VPS13D: variants seen among roughly 807,000 people sequenced by gnomAD.
VPS13D encodes intermembrane lipid transfer protein VPS13D.
Under a neutral mutation model 461.9 loss-of-function variants are expected in VPS13D, and 187 were observed. The ratio of observed to expected loss-of-function variants is 0.40; its 90% CI spans 0.36 to 0.46. VPS13D has a LOEUF of 0.46. VPS13D is among the 20% of genes least tolerant of loss of function. The probability of loss-of-function intolerance (pLI) is 0.60; values close to 1 mark genes in which losing one functional copy is unlikely to be tolerated. For synonymous variants in VPS13D, 1,951 were observed against 1,986.3 expected (o/e 0.98, Z 0.47); for missense variants, 4,711 against 5,364.9 (o/e 0.88, Z 3.81).
chr1:12,335,498 G>C (rs533210776), intron 38 of VPS13D, among the ~76,000 whole-genome samples: 54 of 152,276 alleles, frequency 3.5e-4, no homozygotes, highest in Non-Finnish European at 5.7e-4. Context: ...CATTATGATA[G>C]AGTTTTGTGG....
chr1:12,256,441 C>T lies in VPS13D; in HGVS notation c.778C>T (p.Arg260Trp), dbSNP rs59274673. 5.0e-6 allele frequency: 8 copies of T among 1,614,128 alleles called. No homozygotes were observed. The highest frequency in any genetic ancestry group is 3.3e-5 in the Admixed American group (2 of 60,008). Residue 260 changes from arginine (R) to tryptophan (W), a missense_variant, in exon 8 of 70, where the codon CGG (arginine) becomes TGG (tryptophan). Physicochemically the swap from Arg to Trp is moderately radical, Grantham distance 101. Around this residue, in one of 3 missense-constraint regions of VPS13D, gnomAD observed 4,411 missense variants for 4,937.8 expected, o/e 0.89. Transcript: ENST00000620676. ...RNCSKKPLRS[R>W]HSPRIDCDIQ... ...CTGCTCCAAGAAGCCCCTGCGGTCT[C>T]GGCACAGTCCCCGTATTGATTGTGA... is the stretch of plus-strand genomic sequence containing the variant.
At chr1:12,416,249 C>T (rs1478658203) in intron 64 of VPS13D, among the ~76,000 whole-genome samples, 1 of 152,202 alleles carries the variant, frequency 6.6e-6, no homozygotes, top group Non-Finnish European at 1.5e-5. Context: ...ACCCACACCA[C>T]AGCTTATGAG....
At chr1:12,340,353 A>G (rs1401874687) in intron 40 of VPS13D, among the ~76,000 whole-genome samples, 4 of 152,286 alleles carry the variant, frequency 2.6e-5, no homozygotes, top group African/African-American at 9.6e-5. Flanking sequence ...GCAGATTACT[A>G]TATCTTAGAC....
rs140805377 is a variant in VPS13D at position 12,304,695 on chromosome 1, A to G, written c.6406A>G (p.Thr2136Ala). 293 of 1,613,880 alleles carry G rather than the reference A, an allele frequency of 1.8e-4. No individual in the cohort carries two copies. The highest frequency in any genetic ancestry group is 2.3e-4 in the Non-Finnish European group (277 of 1,180,040). The change falls in exon 26 of 70, where the codon ACA (threonine) becomes GCA (alanine). Residue 2136 changes from threonine to alanine, a missense_variant. Thr to Ala is a moderately conservative substitution (Grantham distance 58). Coordinates refer to ENST00000620676, the MANE Select transcript of VPS13D (RefSeq NM_015378.4). The stretch of plus-strand genomic sequence containing the variant: ...CACCAAGCAGCAAGGGCCGCAACCC[A>G]CACTGTCTGTTGGCCAAGAGTCCAG... ...TSTKQQGPQPTLSVGQESSSP... is the reference protein window; with the variant it reads ...TSTKQQGPQPALSVGQESSSP...
intron 65 of VPS13D, among the ~76,000 whole-genome samples, chr1:12,454,631 T>A (rs562691355): frequency 6.6e-6 from 1 of 152,336 alleles, no homozygotes; most frequent in East Asian, 1.9e-4. Context: ...GAACTCACTG[T>A]CACATGTGTC....
At chr1:12,273,557 A>G (rs964520650) in intron 18 of VPS13D, among the ~76,000 whole-genome samples, 8 of 152,206 alleles carry the variant, frequency 5.3e-5, no homozygotes, top group African/African-American at 1.9e-4. Context: ...TTAAACACCA[A>G]TTCCCCTTCT....
At chr1:12,426,741 G>A (rs771237475) in intron 65 of VPS13D, among the ~76,000 whole-genome samples, 3 of 152,142 alleles carry the variant, frequency 2.0e-5, no homozygotes, top group Non-Finnish European at 4.4e-5. Context: ...CTGCAGCCGG[G>A]CACAGTGGTT....
chr1:12,436,158 G>A (rs1477357508), intron 65 of VPS13D, among the ~76,000 whole-genome samples: 1 of 152,250 alleles, frequency 6.6e-6, no homozygotes, highest in African/African-American at 2.4e-5. Flanking sequence ...TCCAGCAGGG[G>A]AGGAGGACTT....
chr1:12,422,741 A>G (rs1463196220), intron 65 of VPS13D, among the ~76,000 whole-genome samples: 1 of 152,016 alleles, frequency 6.6e-6, no homozygotes, highest in Non-Finnish European at 1.5e-5. Context: ...GTTAAGCTCT[A>G]TTCTGCCAAT....
chr1:12,315,535 G>T (rs1022078085), intron 30 of VPS13D, among the ~76,000 whole-genome samples: 4 of 152,220 alleles, frequency 2.6e-5, no homozygotes, highest in African/African-American at 7.2e-5. Context: ...CTGCAGAGGG[G>T]ATGACTTCTT....
chr1:12,290,788 T>C (rs564220702), intron 22 of VPS13D, among the ~76,000 whole-genome samples: 1 of 150,672 alleles, frequency 6.6e-6, no homozygotes, highest in African/African-American at 2.4e-5. Context: ...GCATTGAGAC[T>C]TTTTTTTTCC....
chr1:12,453,455 C>T (rs1007945797), intron 65 of VPS13D, among the ~76,000 whole-genome samples: 1 of 152,118 alleles, frequency 6.6e-6, no homozygotes, highest in Non-Finnish European at 1.5e-5. Flanking sequence ...GCTCCTGGGT[C>T]TCTTCAGGTG....
rs747315255 is a variant in VPS13D at position 12,277,906 on chromosome 1, G to T, written c.4318G>T (p.Ala1440Ser). ...KLYSLNCTQL[A>S]GREAVGSEGS... ...GTATTCTTTGAATTGCACCCAGTTG[G>T]CAGGTAGAGAAGCTGTTGGGTCTGA... The change falls in exon 19 of 70, where the codon GCA becomes TCA. Residue 1440 changes from alanine (A) to serine (S), a missense_variant. By Grantham distance (99) the Ala-to-Ser change is moderately conservative (BLOSUM62 1). Transcript: ENST00000620676. 3 of 1,614,060 alleles carry T rather than the reference G, an allele frequency of 1.9e-6. No individual in the cohort carries two copies. The African/African-American group carries it at 4.0e-5, about 22-fold the overall frequency.
At chr1:12,423,631 G>A (rs904690542) in intron 65 of VPS13D, among the ~76,000 whole-genome samples, 1 of 152,124 alleles carries the variant, frequency 6.6e-6, no homozygotes, top group Non-Finnish European at 1.5e-5. Context: ...GCTTCTTTTC[G>A]AAGCAAACCT....
At chr1:12,265,442 C>A (rs190024035) in intron 13 of VPS13D, among the ~76,000 whole-genome samples, 4 of 152,276 alleles carry the variant, frequency 2.6e-5, no homozygotes, top group Admixed American at 6.5e-5. Context: ...CCAGCCTCAA[C>A]TTTTATTATT....
chr1:12,480,048 G>A (rs1645692891), intron 67 of VPS13D, among the ~76,000 whole-genome samples: 1 of 152,202 alleles, frequency 6.6e-6, no homozygotes. Flanking sequence ...TTTAGTGCCA[G>A]TGCCTAGAGA....
intron 2 of VPS13D, among the ~76,000 whole-genome samples, chr1:12,234,872 A>G (rs1640096299): frequency 6.6e-6 from 1 of 152,204 alleles, no homozygotes; most frequent in Non-Finnish European, 1.5e-5. Context: ...AAAGTTTTAA[A>G]ATTGATTATT....
intron 16 of VPS13D, among the ~76,000 whole-genome samples, chr1:12,269,685 G>GA (rs1339467525): frequency 6.6e-6 from 1 of 152,174 alleles, no homozygotes; most frequent in Non-Finnish European, 1.5e-5. Flanking sequence ...AGTAGGTGCA[G>GA]AAAAAATACT....
At chr1:12,237,523 A>G (rs938920402) in intron 2 of VPS13D, among the ~76,000 whole-genome samples, 30 of 150,638 alleles carry the variant, frequency 2.0e-4, no homozygotes, top group Non-Finnish European at 4.1e-4. Context: ...CAGTCATTCA[A>G]AAACATTTAT....
Sources: allele counts gnomAD v4.1 joint callset (sites outside exome capture counted in the v4.1 genomes callset), GRCh38; gene constraint gnomAD v4.1.1; regional missense constraint gnomAD v4.1.1; transcripts MANE v1.5; gene names NCBI Gene and HGNC (gene_info 2026-07-23, HGNC 2026-07-21).